The following HOXC10 variants were observed in gnomAD, a reference collection of about 807,000 sequenced individuals.
The protein encoded by HOXC10 is homeobox C10.
In HOXC10, 15 loss-of-function variants were observed where a neutral mutation model predicts 26.0. The observed-to-expected ratio is 0.58, with a 90% CI of 0.39 to 0.89. HOXC10 has a LOEUF of 0.89. Ranked by LOEUF, HOXC10 falls within the 40% of genes least tolerant of loss-of-function variation. HOXC10 has a pLI of 0.00. For missense variants in HOXC10, 446 were observed against 451.9 expected (o/e 0.99, Z 0.12); for synonymous variants, 196 against 185.5 (o/e 1.06, Z -0.46).
Position 53,985,689 on chromosome 12 carries a change from C to T in HOXC10, c.430C>T (p.Pro144Ser). The change falls in exon 1 of 2, where the codon CCC (proline) becomes TCC (serine). Residue 144 changes from proline to serine, a missense_variant. Transcript: ENST00000303460. ...GTCCTGCCTTGGGGAGCACGAGGTA[C>T]CCGTGCCCAGCTACTACCGCGCCAG... Reference protein sequence around the residue: ...PESCLGEHEVPVPSYYRASPS... With the variant: ...PESCLGEHEVSVPSYYRASPS... The T allele has an allele frequency of 6.2e-7, 1 of 1,610,662 alleles. No homozygotes were observed. Among genetic ancestry groups the T allele is most frequent in the Non-Finnish European group, 8.5e-7 (1 of 1,177,520 alleles).
Position 53,985,661 on chromosome 12 carries a change from G to A in HOXC10, c.402G>A (p.Pro134=), listed in dbSNP as rs1343743475. 6.2e-7 allele frequency: 1 copy of A among 1,613,152 alleles called. No individual in the cohort carries two copies. The highest frequency in any genetic ancestry group is 1.3e-5 in the African/African-American group (1 of 74,916). ...PEAALYSHPL[P]ESCLGEHEVP... is the part of the protein sequence containing the mutation. ...CAGCTCTCTACTCCCACCCCTTGCC[G>A]GAGTCCTGCCTTGGGGAGCACGAGG... Residue 134 remains proline, a synonymous_variant, in exon 1 of 2, where the codon CCG becomes CCA. Coordinates refer to ENST00000303460, the MANE Select transcript of HOXC10 (RefSeq NM_017409.4).
intron 1 of HOXC10, 122 bp downstream of exon 1, chr12:53,986,132 C>T: frequency 9.3e-7 from 1 of 1,073,216 alleles, no homozygotes; most frequent in Non-Finnish European, 1.3e-6. Flanking sequence ...GGAATGCGAC[C>T]CTGGCTTTCG....
At position 53,989,356 on chromosome 12, in the gene HOXC10, A is replaced by C; in HGVS notation, c.939A>C (p.Lys313Asn). 1 of 1,614,174 alleles carries C rather than the reference A, an allele frequency of 6.2e-7. No individual in the cohort carries two copies. The highest frequency in any genetic ancestry group is 8.5e-7 in the Non-Finnish European group (1 of 1,180,030). The change falls in exon 2 of 2, where the codon AAA becomes AAC. Residue 313 changes from lysine to asparagine, a missense_variant. By Grantham distance (94) the Lys-to-Asn change is moderately conservative (BLOSUM62 0). Coordinates refer to ENST00000303460, the MANE Select transcript of HOXC10 (RefSeq NM_017409.4). ...KTINLTDRQV[K>N]IWFQNRRMKL... is the part of the protein sequence containing the mutation. ...TTAACCTTACAGACAGACAAGTCAA[A>C]ATCTGGTTTCAAAATCGCAGAATGA...
chr12:53,988,131 GT>G (rs1177814509), intron 1 of HOXC10, among the ~76,000 whole-genome samples: 1 of 152,168 alleles, frequency 6.6e-6, no homozygotes, highest in African/African-American at 2.4e-5. Context: ...TTTGGACTCT[GT>G]TTTTTGCCCT....
Position 53,985,226 on chromosome 12 carries a change from T to C in HOXC10, c.-34T>C, listed in dbSNP as rs1309622042. 15 of 1,234,738 alleles carry C rather than the reference T, an allele frequency of 1.2e-5. No homozygotes were observed. Among genetic ancestry groups the C allele is most frequent in the Admixed American group, 2.9e-5 (1 of 33,942 alleles). 76.5% of individuals were successfully genotyped at this position (1,234,738 alleles called of 1,614,324 possible). On this transcript the variant is annotated 5_prime_UTR_variant, in exon 1 of 2. It removes the in-frame stop codon of an upstream open reading frame in the 5' UTR. Coordinates refer to ENST00000303460, the MANE Select transcript of HOXC10 (RefSeq NM_017409.4). Reference sequence around the variant, plus strand: ...AAAAAAGATGTCAGCTCCTCCGCTGTAGTATTGCTCCTTAAAAACCCCTCT... The same window carrying C: ...AAAAAAGATGTCAGCTCCTCCGCTGCAGTATTGCTCCTTAAAAACCCCTCT...
In HOXC10 at chr12:53,989,595, A is replaced by G. The variant is rs536539932; in HGVS notation, c.*149A>G. The G allele has an allele frequency of 1.8e-5, 14 of 762,086 alleles. No homozygotes were observed. The highest frequency in any genetic ancestry group is 2.7e-5 in the Non-Finnish European group (13 of 477,110). The allele number at this position is 762,086 out of a possible 1,614,324, so 47.2% of individuals were successfully genotyped here. Reference sequence around the variant, plus strand: ...AGACCTCAGACTCTCCTTCCAAGGGACCTGTGGTTCGTGCTGCGAAGATGC... The same window carrying G: ...AGACCTCAGACTCTCCTTCCAAGGGGCCTGTGGTTCGTGCTGCGAAGATGC... On this transcript the variant is annotated 3_prime_UTR_variant, in exon 2 of 2. Coordinates refer to ENST00000303460, the MANE Select transcript of HOXC10 (RefSeq NM_017409.4).
At position 53,989,344 on chromosome 12, in the gene HOXC10, C is replaced by A; in HGVS notation, c.927C>A (p.Asp309Glu). Residue 309 changes from aspartate (D) to glutamate (E), a missense_variant, in exon 2 of 2, where the codon GAC becomes GAA. By Grantham distance (45) the Asp-to-Glu change is conservative. Coordinates refer to ENST00000303460, the MANE Select transcript of HOXC10 (RefSeq NM_017409.4). ...TTAGCAAGACCATTAACCTTACAGA[C>A]AGACAAGTCAAAATCTGGTTTCAAA... ...LEISKTINLT[D>E]RQVKIWFQNR... is the part of the protein sequence containing the mutation. The A allele has an allele frequency of 6.2e-7, 1 of 1,614,118 alleles. No homozygotes were observed. The highest frequency in any genetic ancestry group is 2.2e-5 in the East Asian group (1 of 44,884).
Position 53,985,548 on chromosome 12 carries a change from TC to T in HOXC10, c.291del (p.Ser98ProfsTer99). On this transcript the variant is annotated frameshift_variant, in exon 1 of 2. Coordinates refer to ENST00000303460, the MANE Select transcript of HOXC10 (RefSeq NM_017409.4). LOFTEE classifies it high-confidence loss of function. ...RLEQPVGRPL[S>X]SCSYPPSVKE... The stretch of plus-strand genomic sequence containing the variant: ...GGAACAACCTGTTGGCAGGCCGCTG[TC>T]CTCCTGCTCCTACCCACCTAGTGTC... 6.2e-7 allele frequency: 1 copy of T among 1,613,812 alleles called. No homozygotes were observed. The highest frequency in any genetic ancestry group is 8.5e-7 in the Non-Finnish European group (1 of 1,180,038).
Position 53,985,586 on chromosome 12 carries a change from T to G in HOXC10, c.327T>G (p.Asn109Lys), listed in dbSNP as rs1227233397. ...CSYPPSVKEE[N>K]VCCMYSAEKR... is the part of the protein sequence containing the mutation. ...ACCCACCTAGTGTCAAGGAGGAGAA[T>G]GTCTGCTGCATGTACAGCGCAGAGA... The change falls in exon 1 of 2, where the codon AAT (asparagine) becomes AAG (lysine). Residue 109 changes from asparagine (N) to lysine (K), a missense_variant. By Grantham distance (94) the Asn-to-Lys change is moderately conservative (BLOSUM62 0). Transcript: ENST00000303460. The G allele has an allele frequency of 3.1e-6, 5 of 1,613,892 alleles. No homozygotes were observed. Among genetic ancestry groups the G allele is most frequent in the Admixed American group, 1.7e-5 (1 of 60,032 alleles).
At chr12:53,988,500 T>C (rs1341584536) in intron 1 of HOXC10, among the ~76,000 whole-genome samples, 1 of 152,210 alleles carries the variant, frequency 6.6e-6, no homozygotes, top group Non-Finnish European at 1.5e-5. Context: ...CCAGCTCTGT[T>C]GCCCCTGACC....
At position 53,985,416 on chromosome 12, in the gene HOXC10, C is replaced by T; in HGVS notation, c.157C>T (p.Leu53Phe). 6.2e-7 allele frequency: 1 copy of T among 1,613,070 alleles called. No homozygotes were observed. The highest frequency in any genetic ancestry group is 8.5e-7 in the Non-Finnish European group (1 of 1,179,918). Reference sequence around the variant, plus strand: ...GAGGGGCTGCGGGCTCGCGCCCTCGCTCTCCAAGAGGGACGAGGGCAGCAG... The same window carrying T: ...GAGGGGCTGCGGGCTCGCGCCCTCGTTCTCCAAGAGGGACGAGGGCAGCAG... ...VMRGCGLAPS[L>F]SKRDEGSSPS... Residue 53 changes from leucine to phenylalanine, a missense_variant, in exon 1 of 2, where the codon CTC (leucine) becomes TTC (phenylalanine). By Grantham distance (22) the Leu-to-Phe change is conservative. Coordinates refer to ENST00000303460, the MANE Select transcript of HOXC10 (RefSeq NM_017409.4).
At chr12:53,986,978 G>A (rs971711681) in intron 1 of HOXC10, among the ~76,000 whole-genome samples, 9 of 151,254 alleles carry the variant, frequency 6.0e-5, no homozygotes, top group Non-Finnish European at 1.3e-4. Flanking sequence ...GAATGTGGAG[G>A]AAACGGGAGC....
At chr12:53,988,177 GA>G (rs1939466881) in intron 1 of HOXC10, among the ~76,000 whole-genome samples, 1 of 152,174 alleles carries the variant, frequency 6.6e-6, no homozygotes, top group Non-Finnish European at 1.5e-5. Context: ...TGCTACTTGA[GA>G]AGCAAGGCTG....
intron 1 of HOXC10, among the ~76,000 whole-genome samples, chr12:53,987,161 C>T (rs1463821280): frequency 1.3e-5 from 2 of 152,188 alleles, no homozygotes; most frequent in Non-Finnish European, 2.9e-5. Context: ...GAGAGCGGAG[C>T]AGGCTGGGGG....
chr12:53,989,528 T>C lies in HOXC10; in HGVS notation c.*82T>C, dbSNP rs1939485557. 2 of 1,383,094 alleles carry C rather than the reference T, an allele frequency of 1.4e-6. No individual in the cohort carries two copies. Among genetic ancestry groups the C allele is most frequent in the African/African-American group, 1.5e-5 (1 of 68,192 alleles). The allele number at this position is 1,383,094 out of a possible 1,614,324, so 85.7% of individuals were successfully genotyped here. ...TTGTGCCTGGTGATATATTTTTTTTTCCTCCCTGAGTATAAATGCAATGCG... is the reference window on the plus strand; with the variant it reads ...TTGTGCCTGGTGATATATTTTTTTTCCCTCCCTGAGTATAAATGCAATGCG... On this transcript the variant is annotated 3_prime_UTR_variant, in exon 2 of 2. Transcript: ENST00000303460.
intron 1 of HOXC10, among the ~76,000 whole-genome samples, chr12:53,987,197 A>G (rs998683096): frequency 2.0e-5 from 3 of 152,228 alleles, no homozygotes; most frequent in Admixed American, 1.3e-4. Flanking sequence ...GGTGCTTTGT[A>G]TATGGATGCG....
intron 1 of HOXC10, chr12:53,986,288 T>C (rs893531560): frequency 1.0e-4 from 36 of 344,456 alleles, no homozygotes; most frequent in Non-Finnish European, 1.6e-4. Context: ...CGCAGTGTGC[T>C]GCACCGGACG....
chr12:53,989,103 G>C (rs888137689), intron 1 of HOXC10, 66 bp from the exon 2 acceptor site: 1 of 1,458,500 alleles, frequency 6.9e-7, no homozygotes, highest in East Asian at 2.4e-5. Flanking sequence ...GGCTGGCAAA[G>C]GCTGCAGCGC....
Position 53,989,666 on chromosome 12 carries a change from G to T in HOXC10, c.*220G>T. On this transcript the variant is annotated 3_prime_UTR_variant, in exon 2 of 2. Transcript: ENST00000303460. ...ATGGGGTGCCGGGATGTGGGGTGTG[G>T]TGTGTGCCCTCATAGATGGGGGTGG... is the stretch of plus-strand genomic sequence containing the variant. 3 of 578,548 alleles carry T rather than the reference G, an allele frequency of 5.2e-6. No homozygotes were observed. In the South Asian group the frequency reaches 6.7e-5, roughly 13 times the overall value. 35.8% of individuals were successfully genotyped at this position (578,548 alleles called of 1,614,324 possible).
Sources: gnomAD v4.1 joint callset for allele counts (sites outside exome capture counted in the v4.1 genomes callset) on GRCh38, gnomAD v4.1.1 for gene constraint, MANE v1.5 for transcripts, NCBI Gene and HGNC (gene_info 2026-07-23, HGNC 2026-07-21) for gene names.